SLC5A4: variants seen among roughly 807,000 people sequenced by gnomAD.
The protein encoded by SLC5A4 is probable glucose sensor protein SLC5A4.
SLC5A4 carries 55 observed loss-of-function variants against 70.3 expected under a neutral mutation model. The observed-to-expected ratio is 0.78, with a 90% CI of 0.63 to 0.98. The LOEUF (loss-of-function observed/expected upper bound fraction) is 0.98, where lower values mean the gene tolerates loss of function less well. Among genes scored for constraint, SLC5A4 ranks in the 50% least tolerant of loss-of-function variants. The probability of loss-of-function intolerance (pLI) is 0.00; values close to 1 mark genes in which losing one functional copy is unlikely to be tolerated. For synonymous variants in SLC5A4, 268 were observed against 305.7 expected, an observed-to-expected ratio of 0.88 and a Z score of 1.29; for missense variants, 735 against 839.2, an observed-to-expected ratio of 0.88 and a Z score of 1.53.
At chr22:32,292,174 AGATAT>A in the SLC5A4 span, among the ~76,000 whole-genome samples, 1 of 57,518 alleles carries the variant, frequency 1.7e-5, no homozygotes, top group South Asian at 4.9e-4. Context: ...AATATATACT[AGATAT>A]TATATATAAT....
chr22:32,291,811 A>G, the SLC5A4 span, among the ~76,000 whole-genome samples: 1 of 148,760 alleles, frequency 6.7e-6, no homozygotes, highest in Non-Finnish European at 1.5e-5. Context: ...GGAAATTTTT[A>G]TATTTTATAT....
At chr22:32,308,769 T>C in the SLC5A4 span, among the ~76,000 whole-genome samples, 1 of 152,068 alleles carries the variant, frequency 6.6e-6, no homozygotes, top group Non-Finnish European at 1.5e-5. Flanking sequence ...ATCACATGTA[T>C]GTGTGTGAGG....
chr22:32,342,515 G>C, the SLC5A4 span, among the ~76,000 whole-genome samples: 2 of 152,038 alleles, frequency 1.3e-5, no homozygotes, highest in African/African-American at 4.8e-5. Flanking sequence ...CTTTGTGAAA[G>C]TTAATAATCT....
intron 9 of SLC5A4, among the ~76,000 whole-genome samples, chr22:32,231,291 G>T (rs916352680): frequency 6.6e-6 from 1 of 152,192 alleles, no homozygotes; most frequent in East Asian, 1.9e-4. Context: ...ACTGACCCAT[G>T]GGATAGGGGC....
At chr22:32,323,085 TCAG>T in the SLC5A4 span, among the ~76,000 whole-genome samples, 1 of 152,218 alleles carries the variant, frequency 6.6e-6, no homozygotes, top group African/African-American at 2.4e-5. Context: ...TTAGAAATTC[TCAG>T]GACAAAATGT....
chr22:32,224,362 C>T lies in SLC5A4; in HGVS notation c.1570G>A (p.Val524Met), dbSNP rs149553377. Reference sequence around the variant, plus strand: ...ACGATGGAAAAGTACAGATAGTGCACTCCACAGATAATCTTGGGACAGTTA... The same window carrying T: ...ACGATGGAAAAGTACAGATAGTGCATTCCACAGATAATCTTGGGACAGTTA... ...PSNCPKIICG[V>M]HYLYFSIVLF... The change falls in exon 13 of 15, where the codon GTG becomes ATG. Residue 524 changes from valine to methionine, a missense_variant. Coordinates refer to ENST00000266086, the MANE Select transcript of SLC5A4 (RefSeq NM_014227.3). 6.4e-5 allele frequency: 103 copies of T among 1,614,064 alleles called. 1 individual carries two copies. The East Asian group carries it at 1.7e-3, about 27-fold the overall frequency.
the SLC5A4 span, among the ~76,000 whole-genome samples, chr22:32,331,887 T>C: frequency 4.6e-5 from 7 of 151,892 alleles, no homozygotes; most frequent in African/African-American, 1.7e-4. Context: ...ATTGCAGTGG[T>C]CTCTCGGGGC....
chr22:32,254,684 G>C (rs1479538024), intron 1 of SLC5A4, among the ~76,000 whole-genome samples: 1 of 151,938 alleles, frequency 6.6e-6, no homozygotes, highest in South Asian at 2.1e-4. Context: ...CATGCCTGTA[G>C]TCCCAGCTAC....
At chr22:32,263,741 C>A in the SLC5A4 span, among the ~76,000 whole-genome samples, 1 of 152,182 alleles carries the variant, frequency 6.6e-6, no homozygotes, top group African/African-American at 2.4e-5. Flanking sequence ...TATAAAGACA[C>A]ATGCACACGT....
At chr22:32,291,980 C>T in the SLC5A4 span, among the ~76,000 whole-genome samples, 3 of 144,544 alleles carry the variant, frequency 2.1e-5, no homozygotes, top group African/African-American at 7.6e-5. Context: ...TCAAGTGATT[C>T]TCGTGCCTCA....
At chr22:32,292,948 A>C in the SLC5A4 span, among the ~76,000 whole-genome samples, 1 of 152,178 alleles carries the variant, frequency 6.6e-6, no homozygotes, top group African/African-American at 2.4e-5. Context: ...TTTTGAGGTT[A>C]TGTGTCAGTA....
At chr22:32,304,857 TTTC>T in the SLC5A4 span, among the ~76,000 whole-genome samples, 3 of 151,760 alleles carry the variant, frequency 2.0e-5, no homozygotes, top group African/African-American at 7.3e-5. Context: ...ACAGTTTTTT[TTTC>T]TTTTTCACTT....
Position 32,230,899 on chromosome 22 carries a change from C to T in SLC5A4, c.1129+69G>A, listed in dbSNP as rs139403337. On this transcript the variant is annotated intron_variant, in intron 10 of 14. Transcript: ENST00000266086. Reference sequence around the variant, plus strand: ...ATTAATGGAAGGTGCAAGAATTGCACCATAACCCTTCCTCGAGGCCCGTCT... The same window carrying T: ...ATTAATGGAAGGTGCAAGAATTGCATCATAACCCTTCCTCGAGGCCCGTCT... 1,892 of 931,624 alleles carry T rather than the reference C, an allele frequency of 2.0e-3. 32 individuals carry two copies. In the African/African-American group the frequency reaches 0.028, roughly 14 times the overall value. The allele number at this position is 931,624 out of a possible 1,614,324, so 57.7% of individuals were successfully genotyped here. A position where few individuals can be genotyped will look rare whatever the true frequency, so the allele number is the denominator to read the frequency against.
chr22:32,328,454 T>C, the SLC5A4 span, among the ~76,000 whole-genome samples: 4 of 152,096 alleles, frequency 2.6e-5, no homozygotes, highest in Admixed American at 1.3e-4. Flanking sequence ...CCTTGAACTC[T>C]CTCTCCCAGA....
chr22:32,341,969 A>C, the SLC5A4 span, among the ~76,000 whole-genome samples: 4 of 152,162 alleles, frequency 2.6e-5, no homozygotes, highest in East Asian at 7.7e-4. Flanking sequence ...CACTACTTGA[A>C]ATTTTATTGT....
chr22:32,250,396 G>C (rs1351893291), intron 3 of SLC5A4, among the ~76,000 whole-genome samples: 1 of 152,168 alleles, frequency 6.6e-6, no homozygotes. Context: ...GTGCACACCT[G>C]TGGTCCCAGC....
chr22:32,267,938 C>T, the SLC5A4 span, among the ~76,000 whole-genome samples: 2 of 152,196 alleles, frequency 1.3e-5, no homozygotes, highest in Non-Finnish European at 1.5e-5. Context: ...TCCTGGCTAA[C>T]ACAGTGAAAC....
the SLC5A4 span, among the ~76,000 whole-genome samples, chr22:32,335,801 C>G: frequency 2.8e-5 from 1 of 35,614 alleles, no homozygotes; most frequent in African/African-American, 1.3e-4. Flanking sequence ...GGTGACAAGT[C>G]CCCCTCTCCC....
chr22:32,306,894 C>G, the SLC5A4 span, among the ~76,000 whole-genome samples: 1 of 136,280 alleles, frequency 7.3e-6, no homozygotes, highest in Non-Finnish European at 1.6e-5. Context: ...AACTGACATG[C>G]AATTCCAAGA....
Sources: gnomAD v4.1 joint callset for allele counts (sites outside exome capture counted in the v4.1 genomes callset) on GRCh38, gnomAD v4.1.1 for gene constraint, MANE v1.5 for transcripts, NCBI Gene and HGNC (gene_info 2026-07-23, HGNC 2026-07-21) for gene names.